LRRC72: variants seen among roughly 807,000 people sequenced by gnomAD.
The protein encoded by LRRC72 is leucine-rich repeat-containing protein 72.
Under a neutral mutation model 35.8 loss-of-function variants are expected in LRRC72, and 41 were observed. The observed-to-expected ratio is 1.15, with a 90% CI of 0.89 to 1.49. The LOEUF (loss-of-function observed/expected upper bound fraction) is 1.49, where lower values mean the gene tolerates loss of function less well. Ranked by LOEUF, LRRC72 falls within the 40% of genes most tolerant of loss-of-function variation. LRRC72 has a pLI of 0.00. For synonymous variants in LRRC72, 118 were observed against 119.2 expected (o/e 0.99, Z 0.07); for missense variants, 389 against 330.7 (o/e 1.18, Z -1.37).
At chr7:16,543,166 A>T (rs1782386878) in intron 3 of LRRC72, among the ~76,000 whole-genome samples, 1 of 152,240 alleles carries the variant, frequency 6.6e-6, no homozygotes, top group Non-Finnish European at 1.5e-5. Context: ...AATTTTAATT[A>T]TGAGTTTTCT....
intron 7 of LRRC72, among the ~76,000 whole-genome samples, chr7:16,569,183 T>G (rs1169691301): frequency 6.6e-6 from 1 of 152,112 alleles, no homozygotes; most frequent in Non-Finnish European, 1.5e-5. Context: ...ATCCCAGCAC[T>G]TTGGGAGGCC....
intron 1 of LRRC72, among the ~76,000 whole-genome samples, chr7:16,528,464 C>T (rs1037321808): frequency 1.3e-5 from 2 of 152,120 alleles, no homozygotes; most frequent in African/African-American, 4.8e-5. Flanking sequence ...TCTTTCTCAT[C>T]AAGTCATCAC....
At chr7:16,537,362 C>G (rs1332748443) in intron 2 of LRRC72, among the ~76,000 whole-genome samples, 1 of 152,292 alleles carries the variant, frequency 6.6e-6, no homozygotes, top group East Asian at 1.9e-4. Flanking sequence ...CCAATAAATT[C>G]AGCCATAATG....
intron 7 of LRRC72, among the ~76,000 whole-genome samples, chr7:16,575,402 G>C (rs1214726724): frequency 2.6e-5 from 4 of 152,168 alleles, no homozygotes; most frequent in Non-Finnish European, 2.9e-5. Flanking sequence ...CTGAGAAGCT[G>C]TGTTTTATAA....
intron 1 of LRRC72, among the ~76,000 whole-genome samples, chr7:16,531,836 A>G (rs1782170129): frequency 6.6e-6 from 1 of 152,218 alleles, no homozygotes; most frequent in African/African-American, 2.4e-5. Context: ...TTTATTTTTA[A>G]AACAGAGCTA....
intron 7 of LRRC72, among the ~76,000 whole-genome samples, chr7:16,570,818 A>G (rs1782930900): frequency 6.6e-6 from 1 of 152,124 alleles, no homozygotes; most frequent in African/African-American, 2.4e-5. Context: ...CTCAAAACAA[A>G]CAAACAAACA....
intron 1 of LRRC72, among the ~76,000 whole-genome samples, chr7:16,528,192 CA>C (rs1248321188): frequency 6.6e-6 from 1 of 152,150 alleles, no homozygotes; most frequent in Middle Eastern, 3.2e-3. Context: ...TCTTCTACCT[CA>C]CTTGACAATC....
intron 1 of LRRC72, among the ~76,000 whole-genome samples, chr7:16,528,286 A>G (rs890853607): frequency 6.7e-6 from 1 of 149,982 alleles, no homozygotes; most frequent in African/African-American, 2.5e-5. Flanking sequence ...CTTGGATCCC[A>G]CTCTCCTCTG....
intron 5 of LRRC72, among the ~76,000 whole-genome samples, chr7:16,565,956 C>A (rs1237659592): frequency 6.6e-6 from 1 of 152,196 alleles, no homozygotes; most frequent in Non-Finnish European, 1.5e-5. Context: ...TAAAAAGTAG[C>A]CTCAAGACTC....
In LRRC72 at chr7:16,560,952, T is replaced by C. The variant is rs964158972; in HGVS notation, c.427+1953T>C. ...GCATTTAAATCTTTACAGCATCCTA[T>C]GATGTGATTAGAATTACTCCCTTTA... On this transcript the variant is annotated intron_variant, in intron 5 of 8. Transcript: ENST00000401542. Among the ~76,000 whole-genome samples the C allele has an allele frequency of 3.3e-5, 5 of 152,124 alleles. No individual in the cohort carries two copies. In the East Asian group the frequency reaches 7.7e-4, roughly 23 times the overall value.
intron 2 of LRRC72, among the ~76,000 whole-genome samples, chr7:16,536,657 G>A (rs1197653483): frequency 6.6e-6 from 1 of 151,962 alleles, no homozygotes; most frequent in Admixed American, 6.6e-5. Context: ...CAAAAAAAAG[G>A]TTTATTTTGT....
At chr7:16,543,956 G>A (rs1348933101) in intron 3 of LRRC72, among the ~76,000 whole-genome samples, 2 of 152,144 alleles carry the variant, frequency 1.3e-5, no homozygotes, top group Non-Finnish European at 2.9e-5. Flanking sequence ...TTTGAGTTGG[G>A]CTTAAAAGTT....
chr7:16,569,934 G>A (rs909487957), intron 7 of LRRC72, among the ~76,000 whole-genome samples: 3 of 151,954 alleles, frequency 2.0e-5, no homozygotes, highest in Non-Finnish European at 4.4e-5. Context: ...GGAGGCTGAG[G>A]CAGGAGAATC....
intron 5 of LRRC72, among the ~76,000 whole-genome samples, chr7:16,564,783 T>A (rs1782799795): frequency 6.6e-6 from 1 of 151,900 alleles, no homozygotes; most frequent in Admixed American, 6.6e-5. Context: ...GCTTTATTAC[T>A]ACAGAGAAAA....
chr7:16,526,984 C>A lies in LRRC72; in HGVS notation c.32C>A (p.Thr11Asn). ...TGGGACCCGAACCCCGTGCCCCGTACCTTGCGATGCTGGCGCCTACGGAGG... is the reference window on the plus strand; with the variant it reads ...TGGGACCCGAACCCCGTGCCCCGTAACTTGCGATGCTGGCGCCTACGGAGG... MSWDPNPVPR[T>N]LRCWRLRRAS... Residue 11 changes from threonine to asparagine, a missense_variant, in exon 1 of 9, where the codon ACC becomes AAC. Coordinates refer to ENST00000401542, the MANE Select transcript of LRRC72 (RefSeq NM_001195280.2). 6.5e-7 allele frequency: 1 copy of A among 1,540,096 alleles called. No homozygotes were observed. The highest frequency in any genetic ancestry group is 2.0e-5 in the Admixed American group (1 of 51,004).
chr7:16,566,734 G>T (rs916855511), intron 6 of LRRC72, among the ~76,000 whole-genome samples: 1 of 152,080 alleles, frequency 6.6e-6, no homozygotes, highest in Non-Finnish European at 1.5e-5. Flanking sequence ...TATCTCAAAA[G>T]TGAGGGAATT....
At chr7:16,570,040 A>AG (rs1234776949) in intron 7 of LRRC72, among the ~76,000 whole-genome samples, 1 of 151,676 alleles carries the variant, frequency 6.6e-6, no homozygotes, top group East Asian at 1.9e-4. Context: ...AAAAAAGAAA[A>AG]GAAAAAAAAA....
chr7:16,535,814 G>A (rs1468354304), intron 2 of LRRC72, among the ~76,000 whole-genome samples: 1 of 152,174 alleles, frequency 6.6e-6, no homozygotes, highest in East Asian at 1.9e-4. Context: ...AATCAATAAT[G>A]TGAGACATTC....
chr7:16,569,132 A>C (rs1470249823), intron 7 of LRRC72, among the ~76,000 whole-genome samples: 1 of 152,124 alleles, frequency 6.6e-6, no homozygotes, highest in East Asian at 1.9e-4. Flanking sequence ...TTGCCTCTTT[A>C]TTTAAGGACA....
Sources: gnomAD v4.1 joint callset for allele counts (sites outside exome capture counted in the v4.1 genomes callset) on GRCh38, gnomAD v4.1.1 for gene constraint, MANE v1.5 for transcripts, NCBI Gene and HGNC (gene_info 2026-07-23, HGNC 2026-07-21) for gene names.